LHX8: variants seen among roughly 807,000 people sequenced by gnomAD.
LHX8 encodes the protein LIM homeobox 8.
In LHX8, 12 loss-of-function variants were observed where a neutral mutation model predicts 40.3. The ratio of observed to expected loss-of-function variants is 0.30; its 90% CI spans 0.19 to 0.48. The LOEUF is 0.48. Among genes scored for constraint, LHX8 ranks in the 20% least tolerant of loss-of-function variants. The pLI, the probability that LHX8 is intolerant of heterozygous loss-of-function variation, is 0.99. For synonymous variants in LHX8, 179 were observed against 162.0 expected, an observed-to-expected ratio of 1.10 and a Z score of -0.80; for missense variants, 344 against 433.7, an observed-to-expected ratio of 0.79 and a Z score of 1.84.
At chr1:75,146,174 C>A (rs12133614) in intron 6 of LHX8, among the ~76,000 whole-genome samples, 1 of 151,964 alleles carries the variant, frequency 6.6e-6, no homozygotes, top group African/African-American at 2.4e-5. Context: ...ATATTTTCAA[C>A]TAGAGCTTGA....
chr1:75,165,601 A>G (rs1247258073), downstream of LHX8, among the ~76,000 whole-genome samples: 1 of 152,164 alleles, frequency 6.6e-6, no homozygotes, highest in Non-Finnish European at 1.5e-5. Flanking sequence ...AAAGATGTTA[A>G]GAAATAAAGA....
chr1:75,196,559 A>G, the LHX8 span, among the ~76,000 whole-genome samples: 1 of 152,304 alleles, frequency 6.6e-6, no homozygotes, highest in South Asian at 2.1e-4. Context: ...TCCTCCCAAA[A>G]CACTGTATTA....
At chr1:75,162,277 T>C (rs113483794), downstream of LHX8, among the ~76,000 whole-genome samples, 728 of 151,776 alleles carry the variant, frequency 4.8e-3, 3 homozygotes, top group Non-Finnish European at 7.9e-3. Context: ...AACCGGCTAC[T>C]CTATTTTAAA....
rs915055944 is a variant in LHX8 at position 75,134,996 on chromosome 1, G to T, written c.-13+42G>T. ...TTCTATTTGCTGTGGTGATCGTGGC[G>T]GTCCGGGAGAGTGGGTCGGGAGGAC... On this transcript the variant is annotated intron_variant, in intron 1 of 8. Coordinates refer to ENST00000356261, the MANE Select transcript of LHX8 (RefSeq NM_001256114.2). 8.5e-6 allele frequency: 8 copies of T among 939,066 alleles called. No individual in the cohort carries two copies. In the South Asian group the frequency reaches 3.4e-4, roughly 40 times the overall value. 58.2% of individuals were successfully genotyped at this position (939,066 alleles called of 1,614,324 possible).
chr1:75,149,449 G>A (rs1444272764), intron 7 of LHX8, among the ~76,000 whole-genome samples: 2 of 152,152 alleles, frequency 1.3e-5, no homozygotes, highest in Non-Finnish European at 1.5e-5. Context: ...CAGCTTAGTT[G>A]GAAGGCTGGA....
chr1:75,133,603 T>G (rs1648030473), upstream of LHX8, among the ~76,000 whole-genome samples: 1 of 152,186 alleles, frequency 6.6e-6, no homozygotes, highest in African/African-American at 2.4e-5. Context: ...AAATTTGTCT[T>G]TATACACTAA....
the LHX8 span, among the ~76,000 whole-genome samples, chr1:75,190,792 G>A: frequency 2.6e-5 from 4 of 152,126 alleles, no homozygotes; most frequent in Non-Finnish European, 5.9e-5. Flanking sequence ...GTTTAAAAAT[G>A]TCTTCATAAA....
chr1:75,172,393 T>G, the LHX8 span, among the ~76,000 whole-genome samples: 1 of 152,206 alleles, frequency 6.6e-6, no homozygotes. Context: ...ACTGTTGAAT[T>G]TGTCCATCAA....
At chr1:75,156,030 G>A (rs1273323012) in intron 7 of LHX8, among the ~76,000 whole-genome samples, 2 of 147,648 alleles carry the variant, frequency 1.4e-5, no homozygotes, top group African/African-American at 5.0e-5. Context: ...CTGATTAAAA[G>A]AGCTTTTTCT....
chr1:75,195,994 C>T, the LHX8 span, among the ~76,000 whole-genome samples: 5 of 152,162 alleles, frequency 3.3e-5, no homozygotes, highest in African/African-American at 1.2e-4. Context: ...TCTGTGCCTT[C>T]ATGGGACTTA....
the LHX8 span, among the ~76,000 whole-genome samples, chr1:75,177,738 T>A: frequency 1.3e-5 from 2 of 152,350 alleles, no homozygotes; most frequent in South Asian, 2.1e-4. Context: ...AGAGAGGGCA[T>A]CCCTGTCTTG....
chr1:75,151,126 A>G (rs1461178691), intron 7 of LHX8, among the ~76,000 whole-genome samples: 2 of 152,200 alleles, frequency 1.3e-5, no homozygotes, highest in African/African-American at 2.4e-5. Context: ...TGGTTGATAC[A>G]TGGGTACTTA....
At chr1:75,197,121 C>T in the LHX8 span, among the ~76,000 whole-genome samples, 1 of 152,038 alleles carries the variant, frequency 6.6e-6, no homozygotes, top group Non-Finnish European at 1.5e-5. Context: ...GTAAATTTAA[C>T]AATTTATGAA....
the LHX8 span, among the ~76,000 whole-genome samples, chr1:75,192,680 G>A: frequency 2.7e-5 from 4 of 148,274 alleles, no homozygotes; most frequent in African/African-American, 1.0e-4. Context: ...TTGTGTCCAG[G>A]CGCTATGCTT....
intron 7 of LHX8, among the ~76,000 whole-genome samples, chr1:75,155,702 A>ACAG (rs1479476011): frequency 6.6e-6 from 1 of 152,214 alleles, no homozygotes; most frequent in Admixed American, 6.5e-5. Flanking sequence ...AGTAGAGTGG[A>ACAG]CAGCAGGGTG....
upstream of LHX8, chr1:75,130,112 G>T (rs1439846236): frequency 3.2e-5 from 5 of 156,990 alleles, no homozygotes; most frequent in Non-Finnish European, 7.1e-5. Context: ...ATGAATAAAT[G>T]GTGTGATGGA....
Position 75,134,820 on chromosome 1 carries a change from A to ATT in LHX8, c.-147_-146insTT, listed in dbSNP as rs1198139093. The ATT allele has an allele frequency of 1.7e-5, 7 of 401,528 alleles. No homozygotes were observed. The highest frequency in any genetic ancestry group is 1.6e-4 in the African/African-American group (5 of 30,498). The allele number at this position is 401,528 out of a possible 1,614,324, so 24.9% of individuals were successfully genotyped here. ...TAACGGCCTCATCTTCAGACCTGGC[A>ATT]ATTTTTTTTTTTTATTACGTAGTAG... On this transcript the variant is annotated 5_prime_UTR_variant, in exon 1 of 9. Transcript: ENST00000356261.
At chr1:75,130,281 T>A (rs953459167), upstream of LHX8, 2 of 216,032 alleles carry the variant, frequency 9.3e-6, no homozygotes, top group African/African-American at 4.5e-5. Context: ...TTACTGGCGC[T>A]CTGCGAACCG....
the LHX8 span, among the ~76,000 whole-genome samples, chr1:75,194,763 T>C: frequency 6.6e-6 from 1 of 152,202 alleles, no homozygotes; most frequent in Non-Finnish European, 1.5e-5. Flanking sequence ...TCAGGAAGTG[T>C]TGACATGGCA....
Sources: gnomAD v4.1 joint callset for allele counts (sites outside exome capture counted in the v4.1 genomes callset) on GRCh38, gnomAD v4.1.1 for gene constraint, MANE v1.5 for transcripts, NCBI Gene and HGNC (gene_info 2026-07-23, HGNC 2026-07-21) for gene names.